Variants in PIK3C2A observed in about 807,000 individuals in gnomAD.
The protein encoded by PIK3C2A is phosphatidylinositol-4-phosphate 3-kinase catalytic subunit type 2 alpha, also known as phosphatidylinositol 4-phosphate 3-kinase C2 domain-containing subunit alpha.
PIK3C2A carries 97 observed loss-of-function variants against 204.5 expected under a neutral mutation model. The ratio of observed to expected loss-of-function variants is 0.47; its 90% CI spans 0.40 to 0.56. The LOEUF (loss-of-function observed/expected upper bound fraction) is 0.56, where lower values mean the gene tolerates loss of function less well. Among genes scored for constraint, PIK3C2A ranks in the 20% least tolerant of loss-of-function variants. The pLI is 0.00. For missense variants in PIK3C2A, 1,735 were observed against 1,969.2 expected (o/e 0.88, Z 2.25); for synonymous variants, 653 against 664.4 (o/e 0.98, Z 0.26).
intron 8 of PIK3C2A, among the ~76,000 whole-genome samples, chr11:17,142,352 A>T (rs1850089784): frequency 6.6e-6 from 1 of 152,132 alleles, no homozygotes; most frequent in African/African-American, 2.4e-5. Flanking sequence ...AGCCCTGGGG[A>T]TATGCTAATG....
intron 8 of PIK3C2A, among the ~76,000 whole-genome samples, chr11:17,138,781 G>T (rs1024665751): frequency 6.6e-6 from 1 of 152,106 alleles, no homozygotes; most frequent in African/African-American, 2.4e-5. Context: ...TGTCACTATA[G>T]GTCCAATAAA....
chr11:17,138,300 C>A (rs923641218), intron 8 of PIK3C2A: 1 of 604,246 alleles, frequency 1.7e-6, no homozygotes, highest in Non-Finnish European at 3.0e-6. Context: ...CCAAATGCCC[C>A]GGAAGACGAA....
chr11:17,097,133 G>C lies in PIK3C2A; in HGVS notation c.4250C>G (p.Ser1417Cys), dbSNP rs778846156. ...PILSFSPKTY[S>C]FRQDGRIKEV... ...CTTGATTCGACCATCTTGTCTAAAG[G>C]AGTATGTTTTAGGTGAAAATGAAAG... Residue 1417 changes from serine (S) to cysteine (C), a missense_variant, in exon 27 of 33, where the codon TCC becomes TGC. Ser to Cys is a moderately radical substitution (Grantham distance 112, BLOSUM62 -1). Transcript: ENST00000691414. 1.2e-6 allele frequency: 2 copies of C among 1,609,154 alleles called. No homozygotes were observed. Among genetic ancestry groups the C allele is most frequent in the Non-Finnish European group, 1.7e-6 (2 of 1,175,478 alleles).
intron 8 of PIK3C2A, among the ~76,000 whole-genome samples, chr11:17,142,673 TCACACCACTG>T (rs75568204): frequency 0.23 from 35,224 of 151,672 alleles, 4,436 homozygotes; most frequent in Middle Eastern, 0.35. Flanking sequence ...TGATCTGTGA[TCACACCACTG>T]CACTCCAGCT....
chr11:17,122,515 T>A (rs1176333466), intron 14 of PIK3C2A, among the ~76,000 whole-genome samples, 182 bp from the exon 15 acceptor site: 5 of 152,180 alleles, frequency 3.3e-5, no homozygotes, highest in African/African-American at 1.2e-4. Flanking sequence ...CATACATATT[T>A]CTTGGGATAA....
chr11:17,203,456 A>G (rs954306647), intron 1 of PIK3C2A, among the ~76,000 whole-genome samples: 1 of 152,214 alleles, frequency 6.6e-6, no homozygotes, highest in Non-Finnish European at 1.5e-5. Flanking sequence ...AGAGAAAACA[A>G]AGACATTTCT....
At chr11:17,126,724 G>A (rs577284160) in intron 13 of PIK3C2A, among the ~76,000 whole-genome samples, 95 of 152,094 alleles carry the variant, frequency 6.2e-4, no homozygotes, top group Non-Finnish European at 1.1e-3. Flanking sequence ...GCACTACTTG[G>A]CAGTCTCAAG....
Position 17,087,851 on chromosome 11 carries a change from A to G in PIK3C2A, c.*1887T>C, listed in dbSNP as rs1390028310. The stretch of plus-strand genomic sequence containing the variant: ...AGACAACACATTTTAACATTTAAAA[A>G]AGACATTCATATACCATACTCATGG... On this transcript the variant is annotated 3_prime_UTR_variant, in exon 33 of 33. Transcript: ENST00000691414. 2.0e-5 allele frequency: 3 copies of G among 152,248 alleles called. No homozygotes were observed. Among genetic ancestry groups the G allele is most frequent in the Non-Finnish European group, 4.4e-5 (3 of 68,038 alleles). 9.4% of individuals were successfully genotyped at this position (152,248 alleles called of 1,614,324 possible). A position where few individuals can be genotyped will look rare whatever the true frequency, so the allele number is the denominator to read the frequency against.
In PIK3C2A at chr11:17,089,534, A is replaced by G; in HGVS notation, c.*204T>C. The G allele has an allele frequency of 2.1e-6, 1 of 472,880 alleles. No homozygotes were observed. The highest frequency in any genetic ancestry group is 3.3e-5 in the East Asian group (1 of 30,454). 29.3% of individuals were successfully genotyped at this position (472,880 alleles called of 1,614,324 possible). A position where few individuals can be genotyped will look rare whatever the true frequency, so the allele number is the denominator to read the frequency against. ...GACTTTAAAACAGCAATGGCTTCCA[A>G]AAATTCAAAAAGGTTAGTTATGTGA... On this transcript the variant is annotated 3_prime_UTR_variant, in exon 33 of 33. Transcript: ENST00000691414.
At chr11:17,186,900 A>G (rs925512948) in intron 1 of PIK3C2A, among the ~76,000 whole-genome samples, 4 of 152,154 alleles carry the variant, frequency 2.6e-5, no homozygotes, top group Non-Finnish European at 4.4e-5. Flanking sequence ...ACAACACACT[A>G]AAACCCCATC....
chr11:17,100,019 G>T, intron 25 of PIK3C2A, 50 bp from the exon 26 acceptor site: 1 of 862,242 alleles, frequency 1.2e-6, no homozygotes. Flanking sequence ...TAAAACATTT[G>T]TTCCTCACTC....
intron 12 of PIK3C2A, among the ~76,000 whole-genome samples, chr11:17,129,964 A>C (rs1849644270): frequency 6.6e-6 from 1 of 152,350 alleles, no homozygotes; most frequent in South Asian, 2.1e-4. Flanking sequence ...TTTTAAATAA[A>C]TTTTATTAAC....
At position 17,088,192 on chromosome 11, in the gene PIK3C2A, T is replaced by C. The variant is rs1343003995; in HGVS notation, c.*1546A>G. ...AGTTCTTATTATATATATGTATATA[T>C]CCAAATTAACAAAATTGTGTCTGAA... On this transcript the variant is annotated 3_prime_UTR_variant, in exon 33 of 33. Coordinates refer to ENST00000691414, the MANE Select transcript of PIK3C2A (RefSeq NM_002645.4). The C allele has an allele frequency of 6.6e-6, 1 of 152,170 alleles. No homozygotes were observed. The highest frequency in any genetic ancestry group is 1.5e-5 in the Non-Finnish European group (1 of 68,034). 9.4% of individuals were successfully genotyped at this position (152,170 alleles called of 1,614,324 possible). A position where few individuals can be genotyped will look rare whatever the true frequency, so the allele number is the denominator to read the frequency against.
chr11:17,101,787 T>A (rs1197849489), intron 24 of PIK3C2A, among the ~76,000 whole-genome samples: 1 of 151,756 alleles, frequency 6.6e-6, no homozygotes, highest in East Asian at 2.0e-4. Flanking sequence ...GTATTTTTAG[T>A]AGAGGCGGGG....
intron 18 of PIK3C2A, 139 bp downstream of exon 18, chr11:17,118,506 C>G: frequency 1.9e-6 from 1 of 519,176 alleles, no homozygotes; most frequent in Non-Finnish European, 3.4e-6. Flanking sequence ...GTAAATTTAG[C>G]TCCTTTAAAA....
intron 20 of PIK3C2A, 77 bp from the exon 21 acceptor site, chr11:17,112,743 C>T: frequency 1.7e-6 from 1 of 593,800 alleles, no homozygotes; most frequent in East Asian, 3.1e-5. Flanking sequence ...TACGCATTTC[C>T]CCTTTCACTT....
intron 2 of PIK3C2A, among the ~76,000 whole-genome samples, chr11:17,163,149 T>C (rs1850836765): frequency 6.6e-6 from 1 of 151,754 alleles, no homozygotes; most frequent in Admixed American, 6.6e-5. Context: ...CTACTAAAAA[T>C]ACAAAAATTA....
intron 1 of PIK3C2A, among the ~76,000 whole-genome samples, chr11:17,207,513 G>A (rs1852626778): frequency 6.6e-6 from 1 of 151,496 alleles, no homozygotes; most frequent in African/African-American, 2.4e-5. Context: ...CGGGGGAGGG[G>A]GGCCGGCGGC....
chr11:17,094,320 G>A lies in PIK3C2A; in HGVS notation c.4392C>T (p.Asp1464=), dbSNP rs749296923. The change falls in exon 28 of 33, where the codon GAC becomes GAT. Residue 1464 remains aspartate (D), a synonymous_variant. Coordinates refer to ENST00000691414, the MANE Select transcript of PIK3C2A (RefSeq NM_002645.4). ...GCTTATTGTGAAGTTCCTGAAATTC[G>A]TCAAATGTTCGGAAGACAAATGATG... ...IEPSFVFRTF[D]EFQELHNKLS... is the part of the protein sequence containing the mutation. The A allele has an allele frequency of 3.7e-6, 6 of 1,610,080 alleles. No individual in the cohort carries two copies. Among genetic ancestry groups the A allele is most frequent in the East Asian group, 2.2e-5 (1 of 44,836 alleles).
Sources: gnomAD v4.1 joint callset for allele counts (sites outside exome capture counted in the v4.1 genomes callset) on GRCh38, gnomAD v4.1.1 for gene constraint, MANE v1.5 for transcripts, NCBI Gene and HGNC (gene_info 2026-07-23, HGNC 2026-07-21) for gene names.